The following HVCN1 variants were observed in gnomAD, a reference collection of about 807,000 sequenced individuals.
The protein encoded by HVCN1 is hydrogen voltage gated channel 1, also known as voltage-gated hydrogen channel 1.
A neutral mutation model predicts 29.2 loss-of-function variants in HVCN1; 14 were observed. That is an observed-to-expected ratio of 0.48 (90% CI 0.32 to 0.75). The LOEUF (loss-of-function observed/expected upper bound fraction) is 0.75. Ranked by LOEUF, HVCN1 falls within the 30% of genes least tolerant of loss-of-function variation. The pLI is 0.04. For missense variants in HVCN1, 263 were observed against 341.8 expected (o/e 0.77, Z 1.82); for synonymous variants, 131 against 133.2 (o/e 0.98, Z 0.11).
chr12:110,704,230 G>A (rs2069586810), intron 1 of HVCN1, among the ~76,000 whole-genome samples: 1 of 152,074 alleles, frequency 6.6e-6, no homozygotes, highest in Admixed American at 6.5e-5. Context: ...GCCATACAAA[G>A]GAATATTGTG....
At chr12:110,692,267 G>T (rs574922018), upstream of HVCN1, among the ~76,000 whole-genome samples, 1 of 152,172 alleles carries the variant, frequency 6.6e-6, no homozygotes, top group Admixed American at 6.5e-5. Flanking sequence ...ATTTGCAATC[G>T]ATGTGATTGT....
intron 2 of HVCN1, among the ~76,000 whole-genome samples, chr12:110,701,671 A>G (rs954123884): frequency 6.6e-6 from 1 of 152,136 alleles, no homozygotes; most frequent in Non-Finnish European, 1.5e-5. Context: ...AGCCTGGTCA[A>G]CATGGTGAAA....
At chr12:110,692,073 C>G (rs2069416015), upstream of HVCN1, among the ~76,000 whole-genome samples, 1 of 152,182 alleles carries the variant, frequency 6.6e-6, no homozygotes, top group Non-Finnish European at 1.5e-5. Flanking sequence ...CTGTTATCCC[C>G]AGGCACAGGA....
At chr12:110,653,629 G>T (rs1423315401) in intron 5 of HVCN1, among the ~76,000 whole-genome samples, 1 of 151,386 alleles carries the variant, frequency 6.6e-6, no homozygotes, top group Non-Finnish European at 1.5e-5. Flanking sequence ...ATCACTTGAG[G>T]TCAGGAGTTC....
At chr12:110,687,183 T>C (rs1352583971) in intron 2 of HVCN1, among the ~76,000 whole-genome samples, 1 of 150,386 alleles carries the variant, frequency 6.6e-6, no homozygotes, top group Non-Finnish European at 1.5e-5. Flanking sequence ...AAGGGCAAGA[T>C]CACGATCCTG....
intron 3 of HVCN1, among the ~76,000 whole-genome samples, chr12:110,673,958 G>A (rs977565128): frequency 6.6e-6 from 1 of 152,234 alleles, no homozygotes; most frequent in African/African-American, 2.4e-5. Context: ...GCTGTGAGAA[G>A]AGGGCCACAG....
At chr12:110,689,805 A>G, upstream of HVCN1, 1 of 152,528 alleles carries the variant, frequency 6.6e-6, no homozygotes, top group Non-Finnish European at 1.5e-5. The surrounding 1 kb of genome is among the most constrained non-coding windows in gnomAD (Gnocchi z 5.7). Flanking sequence ...CCCAGCTCTG[A>G]AGTCCCTCCC....
At chr12:110,682,833 C>T (rs900039865) in intron 3 of HVCN1, 91 of 275,872 alleles carry the variant, frequency 3.3e-4, no homozygotes, top group African/African-American at 1.9e-3. Context: ...TGTGGTGGTG[C>T]ATGCCTGTAA....
intron 3 of HVCN1, among the ~76,000 whole-genome samples, chr12:110,678,748 A>G (rs976380349): frequency 1.8e-4 from 28 of 152,062 alleles, no homozygotes; most frequent in African/African-American, 6.5e-4. Flanking sequence ...CACTGCACCT[A>G]GCCCTATTTC....
chr12:110,657,318 A>G (rs2068021843), intron 4 of HVCN1, among the ~76,000 whole-genome samples: 1 of 152,156 alleles, frequency 6.6e-6, no homozygotes, highest in Non-Finnish European at 1.5e-5. Flanking sequence ...ACATAGTGAA[A>G]CCCTGTTTCT....
At position 110,658,858 on chromosome 12, in the gene HVCN1, C is replaced by T. The variant is rs1310170038; in HGVS notation, c.306+2306G>A. Among the ~76,000 whole-genome samples, 2 of 152,228 alleles carry T rather than the reference C, an allele frequency of 1.3e-5. No homozygotes were observed. The highest frequency in any genetic ancestry group is 2.9e-5 in the Non-Finnish European group (2 of 68,046). On this transcript the variant is annotated intron_variant, in intron 4 of 7. Coordinates refer to ENST00000242607, the MANE Select transcript of HVCN1 (RefSeq NM_032369.4). The surrounding 1 kb of genome is among the most constrained non-coding windows in gnomAD (Gnocchi z 5.0). ...GGGTGGGTGAATAAACACCTCCACT[C>T]ACTTTATGACAGGCATTCGTCTTTT... is the stretch of plus-strand genomic sequence containing the variant.
At chr12:110,701,703 A>G (rs1421401527) in intron 2 of HVCN1, among the ~76,000 whole-genome samples, 2 of 151,808 alleles carry the variant, frequency 1.3e-5, no homozygotes, top group East Asian at 3.9e-4. Flanking sequence ...CTAAAAATAT[A>G]AAAAGTAGCT....
At chr12:110,669,557 G>A (rs927228316) in intron 3 of HVCN1, among the ~76,000 whole-genome samples, 9 of 152,078 alleles carry the variant, frequency 5.9e-5, no homozygotes, top group African/African-American at 1.9e-4. Context: ...CCAGGACTCC[G>A]CATGGCCTGT....
chr12:110,699,837 G>C (rs966216920), intron 2 of HVCN1, among the ~76,000 whole-genome samples: 2 of 152,188 alleles, frequency 1.3e-5, no homozygotes, highest in African/African-American at 2.4e-5. Flanking sequence ...CTAAATATCA[G>C]TGGCTTAAAC....
intron 3 of HVCN1, among the ~76,000 whole-genome samples, chr12:110,673,138 A>T (rs1221486845): frequency 1.3e-5 from 2 of 152,194 alleles, no homozygotes; most frequent in Non-Finnish European, 2.9e-5. Flanking sequence ...CTTTGCCCAG[A>T]ATGCTGATAG....
rs2068152403 is a variant in HVCN1 at position 110,661,102 on chromosome 12, C to T, written c.306+62G>A. The T allele has an allele frequency of 6.7e-7, 1 of 1,497,182 alleles. No homozygotes were observed. The highest frequency in any genetic ancestry group is 2.0e-5 in the Admixed American group (1 of 49,596). 92.7% of individuals were successfully genotyped at this position (1,497,182 alleles called of 1,614,324 possible). On this transcript the variant is annotated intron_variant, in intron 4 of 7. Transcript: ENST00000242607. The surrounding 1 kb of genome is among the most constrained non-coding windows in gnomAD (Gnocchi z 6.2). ...CAAATGGGCTCAGCCTGGCCGCCTG[C>T]CTCACATTCCCCGATGGCTCTCCTG...
chr12:110,662,135 AG>A (rs1380238765), intron 3 of HVCN1, among the ~76,000 whole-genome samples: 1 of 152,166 alleles, frequency 6.6e-6, no homozygotes, highest in Non-Finnish European at 1.5e-5. Flanking sequence ...TGGAAGAGAG[AG>A]CCCAATGTCC....
chr12:110,704,419 C>T (rs891779337), intron 1 of HVCN1, among the ~76,000 whole-genome samples: 32 of 151,816 alleles, frequency 2.1e-4, no homozygotes, highest in African/African-American at 7.0e-4. Context: ...GAGGCTGATG[C>T]GGGCAGATTG....
At chr12:110,652,092 C>T (rs2067832646) in intron 5 of HVCN1, among the ~76,000 whole-genome samples, 1 of 152,222 alleles carries the variant, frequency 6.6e-6, no homozygotes, top group African/African-American at 2.4e-5. Context: ...AAAAGGGTTC[C>T]AAGATCTTGA....
Sources: allele counts gnomAD v4.1 joint callset (sites outside exome capture counted in the v4.1 genomes callset), GRCh38; gene constraint gnomAD v4.1.1; non-coding constraint Gnocchi (gnomAD v3.1); transcripts MANE v1.5; gene names NCBI Gene and HGNC (gene_info 2026-07-23, HGNC 2026-07-21).